The following LAMA2 variants were observed in gnomAD, a reference collection of about 807,000 sequenced individuals.
The protein encoded by LAMA2 is laminin subunit alpha 2, also known as laminin subunit alpha-2.
A neutral mutation model predicts 364.8 loss-of-function variants in LAMA2; 269 were observed. The ratio of observed to expected loss-of-function variants is 0.74; its 90% CI spans 0.67 to 0.82. The LOEUF is 0.82. Ranked by LOEUF, LAMA2 falls within the 40% of genes least tolerant of loss-of-function variation. LAMA2 has a pLI of 0.00. For missense variants in LAMA2, 3,807 were observed against 3,873.2 expected (o/e 0.98, Z 0.45); for synonymous variants, 1,379 against 1,370.6 (o/e 1.01, Z -0.14).
intron 6 of LAMA2, among the ~76,000 whole-genome samples, chr6:129,147,629 G>T (rs746139683): frequency 1.3e-5 from 2 of 151,998 alleles, no homozygotes; most frequent in Non-Finnish European, 2.9e-5. Flanking sequence ...ACCTAAAGGA[G>T]AAGATGAATG....
At chr6:129,411,044 G>GTTCT (rs1780516030) in intron 40 of LAMA2, among the ~76,000 whole-genome samples, 1 of 152,148 alleles carries the variant, frequency 6.6e-6, no homozygotes, top group African/African-American at 2.4e-5. Context: ...GAGATTGGGT[G>GTTCT]ATGCACAGCA....
At position 129,143,905 on chromosome 6, in the gene LAMA2, A is replaced by C; in HGVS notation, c.644A>C (p.His215Pro). The C allele has an allele frequency of 6.3e-7, 1 of 1,592,402 alleles. No individual in the cohort carries two copies. Among genetic ancestry groups the C allele is most frequent in the African/African-American group, 1.3e-5 (1 of 74,160 alleles). Residue 215 changes from histidine to proline, a missense_variant, in exon 5 of 65, where the codon CAC becomes CCC. His to Pro is a moderately conservative substitution (Grantham distance 77). Transcript: ENST00000421865. ...KIHPLENGEI[H>P]ISLINGRPSA... is the part of the protein sequence containing the mutation. The stretch of plus-strand genomic sequence containing the variant: ...ATTATTTTTCATATTGTGTAGATTC[A>C]CATCTCTTTAATCAATGGGAGACCA...
intron 12 of LAMA2, among the ~76,000 whole-genome samples, chr6:129,240,328 A>G (rs265380): frequency 0.65 from 99,315 of 152,062 alleles, 34,308 homozygotes; most frequent in Non-Finnish European, 0.77. Context: ...CTCAGGTACA[A>G]TACTTTGCAT....
At chr6:129,441,096 G>GT in intron 43 of LAMA2, 98 bp downstream of exon 43, 1 of 1,052,862 alleles carries the variant, frequency 9.5e-7, no homozygotes, top group Non-Finnish European at 1.4e-6. Flanking sequence ...GACCCTCATG[G>GT]TGGTGTAGTC....
At chr6:129,256,199 C>G (rs553998440) in intron 14 of LAMA2, among the ~76,000 whole-genome samples, 1 of 152,238 alleles carries the variant, frequency 6.6e-6, no homozygotes, top group East Asian at 1.9e-4. Context: ...TGGAGTCATG[C>G]TTGGGTTTGA....
At chr6:129,480,263 T>C (rs1784281478) in intron 54 of LAMA2, among the ~76,000 whole-genome samples, 1 of 152,134 alleles carries the variant, frequency 6.6e-6, no homozygotes, top group Non-Finnish European at 1.5e-5. Flanking sequence ...GGGAGGAAAA[T>C]AGCCTACATT....
chr6:129,251,750 T>C (rs1786260499), intron 13 of LAMA2, among the ~76,000 whole-genome samples: 1 of 152,050 alleles, frequency 6.6e-6, no homozygotes. Context: ...CTGGCCAACA[T>C]GGCAAAACCC....
chr6:129,240,043 C>T (rs1347413009), intron 12 of LAMA2, among the ~76,000 whole-genome samples: 1 of 152,114 alleles, frequency 6.6e-6, no homozygotes, highest in Non-Finnish European at 1.5e-5. Flanking sequence ...GGCCGAAGGC[C>T]CGAGAGCCCG....
chr6:129,216,916 C>T (rs573558578), intron 12 of LAMA2, among the ~76,000 whole-genome samples: 11 of 152,154 alleles, frequency 7.2e-5, no homozygotes, highest in Middle Eastern at 3.4e-3. Flanking sequence ...CAGGGTTGGG[C>T]GTGGGGGCTC....
In LAMA2 at chr6:129,349,668, A is replaced by T. The variant is rs547222500; in HGVS notation, c.4523+284A>T. On this transcript the variant is annotated intron_variant, in intron 31 of 64. Transcript: ENST00000421865. The stretch of plus-strand genomic sequence containing the variant: ...ATATATAATTTTATATGTAAATATA[A>T]CATTTCATAAGAATAAATCAATTTT... Among the ~76,000 whole-genome samples the T allele has an allele frequency of 2.0e-5, 3 of 151,364 alleles. No individual in the cohort carries two copies. In the East Asian group the frequency reaches 5.8e-4, roughly 29 times the overall value.
chr6:129,256,763 C>CAAATATATATATATATATATATATAT (rs749883373), intron 14 of LAMA2, among the ~76,000 whole-genome samples: 1 of 87,956 alleles, frequency 1.1e-5, no homozygotes, highest in African/African-American at 4.1e-5. Context: ...AATTATATAG[C>CAAATATATATATATATATATATATAT]ATATATATAT....
chr6:128,908,877 CTTCAT>C, intron 1 of LAMA2, among the ~76,000 whole-genome samples: 1 of 147,982 alleles, frequency 6.8e-6, no homozygotes, highest in South Asian at 2.1e-4. Context: ...TTATTTCTGC[CTTCAT>C]TTCGTTATGT....
intron 11 of LAMA2, 52 bp downstream of exon 11, chr6:129,190,397 G>A (rs370743057): frequency 1.3e-6 from 2 of 1,587,196 alleles, no homozygotes; most frequent in African/African-American, 2.7e-5. Flanking sequence ...CTTCTTTGTT[G>A]CTTTCATCGT....
chr6:129,103,545 T>G (rs1034726108), intron 4 of LAMA2, among the ~76,000 whole-genome samples: 2 of 152,220 alleles, frequency 1.3e-5, no homozygotes, highest in Non-Finnish European at 2.9e-5. Context: ...ATTTAGTCAC[T>G]GATCTGTGAC....
intron 33 of LAMA2, 38 bp downstream of exon 33, chr6:129,366,399 G>A (rs187701260): frequency 2.6e-5 from 42 of 1,610,392 alleles, no homozygotes; most frequent in African/African-American, 4.0e-5. Flanking sequence ...CCAGGGACAA[G>A]GTGACAGAAG....
At chr6:128,928,637 G>A (rs1411708800) in intron 1 of LAMA2, among the ~76,000 whole-genome samples, 2 of 152,180 alleles carry the variant, frequency 1.3e-5, no homozygotes, top group African/African-American at 4.8e-5. Flanking sequence ...GCACTTCTAA[G>A]TATTTCAGAG....
chr6:129,315,858 G>C lies in LAMA2; in HGVS notation c.3832G>C (p.Gly1278Arg), dbSNP rs571035066. The C allele has an allele frequency of 1.9e-6, 3 of 1,613,946 alleles. No individual in the cohort carries two copies. The highest frequency in any genetic ancestry group is 1.7e-5 in the Admixed American group (1 of 59,998). Reference protein sequence around the residue: ...STYNPQVIIRGGTPTHARIIV... With the variant: ...STYNPQVIIRRGTPTHARIIV... Reference sequence around the variant, plus strand: ...ATATAATCCTCAAGTGATCATTCGAGGTGGGACACCTACTCATGCTAGAAT... The same window carrying C: ...ATATAATCCTCAAGTGATCATTCGACGTGGGACACCTACTCATGCTAGAAT... Residue 1278 changes from glycine to arginine, a missense_variant, in exon 26 of 65, where the codon GGT becomes CGT. By Grantham distance (125) the Gly-to-Arg change is moderately radical (BLOSUM62 -2). Around this residue, in one of 3 missense-constraint regions of LAMA2, gnomAD observed 3,333 missense variants for 3,345.7 expected, o/e 1.00. Transcript: ENST00000421865.
intron 28 of LAMA2, among the ~76,000 whole-genome samples, chr6:129,321,042 T>G (rs925932374): frequency 6.6e-6 from 1 of 152,194 alleles, no homozygotes; most frequent in Admixed American, 6.5e-5. Context: ...CGACAAAACT[T>G]GTACACTAAA....
chr6:128,891,568 C>T (rs1776453226), intron 1 of LAMA2, among the ~76,000 whole-genome samples: 1 of 151,922 alleles, frequency 6.6e-6, no homozygotes, highest in African/African-American at 2.4e-5. Context: ...AAACATGAAA[C>T]ATCTAGTAAG....
Sources: allele counts gnomAD v4.1 joint callset (sites outside exome capture counted in the v4.1 genomes callset), GRCh38; gene constraint gnomAD v4.1.1; regional missense constraint gnomAD v4.1.1; transcripts MANE v1.5; gene names NCBI Gene and HGNC (gene_info 2026-07-23, HGNC 2026-07-21).